The following FAM78B variants were observed in gnomAD, a reference collection of about 807,000 sequenced individuals.
FAM78B encodes family with sequence similarity 78 member B, also known as protein FAM78B.
FAM78B carries 10 observed loss-of-function variants against 20.0 expected under a neutral mutation model. The observed-to-expected ratio is 0.50, with a 90% confidence interval of 0.31 to 0.85. The LOEUF is 0.85. FAM78B is among the 40% of genes least tolerant of loss of function. The probability of loss-of-function intolerance (pLI) is 0.05; values close to 1 mark genes in which losing one functional copy is unlikely to be tolerated. For missense variants in FAM78B, 283 were observed against 345.0 expected (o/e 0.82, Z 1.42); for synonymous variants, 135 against 132.8 (o/e 1.02, Z -0.12).
At chr1:166,105,486 A>G (rs182968165) in intron 1 of FAM78B, among the ~76,000 whole-genome samples, 4,137 of 152,294 alleles carry the variant, frequency 0.027, 258 homozygotes, top group Admixed American at 0.14. Flanking sequence ...CAGAATCTAC[A>G]ATGAACTCAA....
At chr1:166,066,440 T>C (rs1651798437), downstream of FAM78B, among the ~76,000 whole-genome samples, 1 of 152,194 alleles carries the variant, frequency 6.6e-6, no homozygotes, top group Non-Finnish European at 1.5e-5. Context: ...TTTCCTTCCT[T>C]TTCTTTTGTG....
intron 1 of FAM78B, among the ~76,000 whole-genome samples, chr1:166,163,289 G>C (rs149712026): frequency 1.3e-5 from 2 of 152,204 alleles, no homozygotes; most frequent in Non-Finnish European, 2.9e-5. Context: ...AGAATCATTC[G>C]AGGAAGTGCC....
intron 1 of FAM78B, among the ~76,000 whole-genome samples, chr1:166,129,054 G>T (rs1269003117): frequency 1.3e-5 from 2 of 152,212 alleles, no homozygotes; most frequent in Non-Finnish European, 1.5e-5. Flanking sequence ...TTGTCCCTGA[G>T]AACATAAATG....
At chr1:166,111,609 G>T (rs998087858) in intron 1 of FAM78B, among the ~76,000 whole-genome samples, 10 of 152,224 alleles carry the variant, frequency 6.6e-5, no homozygotes, top group African/African-American at 1.9e-4. Context: ...GTCACCTGAA[G>T]TGGGGGAAAA....
downstream of FAM78B, among the ~76,000 whole-genome samples, chr1:166,064,620 G>A (rs142281070): frequency 1.3e-5 from 2 of 152,260 alleles, no homozygotes; most frequent in African/African-American, 4.8e-5. Flanking sequence ...GGGGGAAATG[G>A]GACCCACTCT....
intron 1 of FAM78B, among the ~76,000 whole-genome samples, chr1:166,077,956 AT>A (rs1447340636): frequency 3.8e-4 from 5 of 13,232 alleles, no homozygotes; most frequent in African/African-American, 2.0e-3. Flanking sequence ...ATTTATATAT[AT>A]AATTATATAT....
chr1:166,140,335 T>C (rs1655232870), intron 1 of FAM78B, among the ~76,000 whole-genome samples: 1 of 152,246 alleles, frequency 6.6e-6, no homozygotes, highest in Admixed American at 6.5e-5. Flanking sequence ...GCTTGATTGC[T>C]GCCTGGGAGG....
chr1:166,124,706 G>T (rs1654578277), intron 1 of FAM78B, among the ~76,000 whole-genome samples: 1 of 152,210 alleles, frequency 6.6e-6, no homozygotes, highest in Admixed American at 6.5e-5. Context: ...TGCACTGCTG[G>T]TATTGGCTGA....
At chr1:166,154,195 G>A (rs529568394) in intron 1 of FAM78B, among the ~76,000 whole-genome samples, 1 of 152,312 alleles carries the variant, frequency 6.6e-6, no homozygotes, top group African/African-American at 2.4e-5. Context: ...TTCTTCTAGA[G>A]CTGCCAGGGG....
At chr1:166,133,720 G>T (rs1015040954) in intron 1 of FAM78B, among the ~76,000 whole-genome samples, 1 of 152,112 alleles carries the variant, frequency 6.6e-6, no homozygotes, top group East Asian at 1.9e-4. Context: ...TTGCACACCT[G>T]TGGGCTTCAG....
intron 1 of FAM78B, among the ~76,000 whole-genome samples, chr1:166,103,752 A>T (rs1653644208): frequency 6.6e-6 from 1 of 152,230 alleles, no homozygotes; most frequent in South Asian, 2.1e-4. Flanking sequence ...AGATAGATTC[A>T]CAGCCGAATT....
chr1:166,108,598 C>T (rs1653877675), intron 1 of FAM78B, among the ~76,000 whole-genome samples: 2 of 152,038 alleles, frequency 1.3e-5, no homozygotes, highest in African/African-American at 4.8e-5. Flanking sequence ...AAGCAATCTA[C>T]AAATTCAATG....
chr1:166,154,399 T>A (rs1442527182), intron 1 of FAM78B, among the ~76,000 whole-genome samples: 1 of 152,228 alleles, frequency 6.6e-6, no homozygotes, highest in Non-Finnish European at 1.5e-5. Flanking sequence ...TCTCCTGCCA[T>A]CTGTGACAGG....
intron 1 of FAM78B, among the ~76,000 whole-genome samples, chr1:166,125,511 A>G (rs1193237141): frequency 6.6e-6 from 1 of 152,228 alleles, no homozygotes; most frequent in African/African-American, 2.4e-5. Context: ...TCAAAGTCAG[A>G]TATGATGAGA....
intron 1 of FAM78B, among the ~76,000 whole-genome samples, chr1:166,109,859 T>TATAC (rs1653954417): frequency 8.4e-5 from 2 of 23,690 alleles, no homozygotes; most frequent in African/African-American, 2.3e-4. Flanking sequence ...TATATATATA[T>TATAC]ATGTATGTGT....
Position 166,100,718 on chromosome 1 carries a change from C to A in FAM78B, c.264-29955G>T, listed in dbSNP as rs139690342. Among the ~76,000 whole-genome samples the A allele has an allele frequency of 1.4e-3, 215 of 152,352 alleles. 2 individuals are homozygous for A. The highest frequency in any genetic ancestry group is 5.0e-3 in the African/African-American group (206 of 41,592). ...GAAAGCTCGAACTGGGTGAAGCCCA[C>A]CGTAGCTCAAGGAGGCCTGCCTGCC... On this transcript the variant is annotated intron_variant, in intron 1 of 1. Coordinates refer to ENST00000354422, the MANE Select transcript of FAM78B (RefSeq NM_001017961.5).
At chr1:166,110,665 TGGAG>T (rs1265967837) in intron 1 of FAM78B, among the ~76,000 whole-genome samples, 35 of 152,302 alleles carry the variant, frequency 2.3e-4, no homozygotes, top group African/African-American at 7.9e-4. Flanking sequence ...CAGCTTTGAA[TGGAG>T]CCACACAGGG....
At chr1:166,081,249 T>C (rs1320900390) in intron 1 of FAM78B, 1 of 152,188 alleles carries the variant, frequency 6.6e-6, no homozygotes, top group Non-Finnish European at 1.5e-5. Context: ...GCGTCCTGTT[T>C]AGGGTGAGTT....
intron 1 of FAM78B, among the ~76,000 whole-genome samples, chr1:166,084,884 G>A (rs79373356): frequency 0.018 from 2,704 of 152,324 alleles, 90 homozygotes; most frequent in African/African-American, 0.061. Flanking sequence ...CTTGGTGCCT[G>A]TACCTGGAGT....
Sources: gnomAD v4.1 joint callset for allele counts (sites outside exome capture counted in the v4.1 genomes callset) on GRCh38, gnomAD v4.1.1 for gene constraint, MANE v1.5 for transcripts, NCBI Gene and HGNC (gene_info 2026-07-23, HGNC 2026-07-21) for gene names.